MED15: variants seen among roughly 807,000 people sequenced by gnomAD.
The protein encoded by MED15 is mediator complex subunit 15, also known as mediator of RNA polymerase II transcription subunit 15.
MED15 carries 41 observed loss-of-function variants against 118.7 expected under a neutral mutation model. The observed-to-expected ratio is 0.35, with a 90% CI of 0.27 to 0.45. The LOEUF is 0.45. MED15 is among the 20% of genes least tolerant of loss of function. The pLI, the probability that MED15 is intolerant of heterozygous loss-of-function variation, is 1.00. For missense variants in MED15, 740 were observed against 1,025.5 expected (o/e 0.72, Z 3.80); for synonymous variants, 436 against 413.9 (o/e 1.05, Z -0.65).
intron 1 of MED15, among the ~76,000 whole-genome samples, chr22:20,534,836 C>T (rs891758461): frequency 2.6e-5 from 4 of 152,186 alleles, no homozygotes; most frequent in Middle Eastern, 3.2e-3. Flanking sequence ...GGATTGTTAA[C>T]TCTCTCATCT....
At position 20,584,874 on chromosome 22, in the gene MED15, C is replaced by T. The variant is rs145583532; in HGVS notation, c.1823C>T (p.Pro608Leu). ...DMAVPTPPPP[P>L]VPPTKQQYLC... The stretch of plus-strand genomic sequence containing the variant: ...CTCCAGCCCACTCCCCCACCGCCCC[C>T]GGTGCCACCGACCAAACAGCAGTAC... Residue 608 changes from proline to leucine, a missense_variant, in exon 15 of 18, where the codon CCG (proline) becomes CTG (leucine). By Grantham distance (98) the Pro-to-Leu change is moderately conservative. Coordinates refer to ENST00000263205, the MANE Select transcript of MED15 (RefSeq NM_001003891.3). 8.6e-5 allele frequency: 138 copies of T among 1,612,952 alleles called. No homozygotes were observed. In the Middle Eastern group the frequency reaches 9.1e-4, roughly 11 times the overall value.
chr22:20,568,686 G>A, intron 8 of MED15, 55 bp downstream of exon 8: 8 of 1,586,194 alleles, frequency 5.0e-6, no homozygotes, highest in Non-Finnish European at 6.0e-6. Flanking sequence ...ATGTTCACCT[G>A]CGCATGTAGT....
chr22:20,526,584 T>C (rs1351411197), intron 1 of MED15, among the ~76,000 whole-genome samples: 1 of 152,244 alleles, frequency 6.6e-6, no homozygotes, highest in Non-Finnish European at 1.5e-5. Flanking sequence ...GAATTGCCTT[T>C]TCAACACTAT....
intron 12 of MED15, 34 bp from the exon 13 acceptor site, chr22:20,583,296 C>A: frequency 6.2e-7 from 1 of 1,613,574 alleles, no homozygotes; most frequent in Non-Finnish European, 8.5e-7. Context: ...CACCACCAGG[C>A]TTGTGTCTTA....
At chr22:20,533,298 G>A (rs1179485158) in intron 1 of MED15, among the ~76,000 whole-genome samples, 1 of 152,236 alleles carries the variant, frequency 6.6e-6, no homozygotes, top group African/African-American at 2.4e-5. Context: ...AGGCCAGCTG[G>A]AGAGGAAAGG....
intron 6 of MED15, among the ~76,000 whole-genome samples, chr22:20,564,962 A>G (rs1341351943): frequency 1.3e-5 from 2 of 152,156 alleles, no homozygotes; most frequent in African/African-American, 2.4e-5. Context: ...CATCTCTACT[A>G]AAAATACAAA....
chr22:20,564,598 C>G lies in MED15; in HGVS notation c.600C>G (p.Phe200Leu). Residue 200 changes from phenylalanine to leucine, a missense_variant, in exon 6 of 18, where the codon TTC (phenylalanine) becomes TTG (leucine). Phe to Leu is a conservative substitution (Grantham distance 22). This residue lies in a region of MED15 where 384 missense variants were observed against 506.3 expected (regional missense o/e 0.76). Transcript: ENST00000263205. ...AGCAGAGTGCCATGCAGCAGCAGTT[C>G]CAAGCAGTAGTGCAGCAGCAGCAGC... is the stretch of plus-strand genomic sequence containing the variant. ...QAQQSAMQQQ[F>L]QAVVQQQQQL... 6.2e-7 allele frequency: 1 copy of G among 1,610,682 alleles called. No individual in the cohort carries two copies.
chr22:20,515,607 TG>T (rs375384678), intron 1 of MED15, among the ~76,000 whole-genome samples: 71 of 152,012 alleles, frequency 4.7e-4, no homozygotes, highest in African/African-American at 1.7e-3. Flanking sequence ...CTGGGCAACA[TG>T]GTGAAACCCC....
chr22:20,580,171 C>A (rs987329319), intron 9 of MED15, among the ~76,000 whole-genome samples: 1 of 152,144 alleles, frequency 6.6e-6, no homozygotes, highest in African/African-American at 2.4e-5. Flanking sequence ...TGACCTGGGG[C>A]AGCTGAAGAA....
At position 20,575,178 on chromosome 22, in the gene MED15, T is replaced by G; in HGVS notation, c.1218T>G (p.Ala406=). Residue 406 remains alanine (A), a synonymous_variant, in exon 9 of 18, where the codon GCT becomes GCG. Transcript: ENST00000263205. ...GAGCCCGGTTCCCGCCTACCACCGC[T>G]GTGTCCGCCATCCCGTCAAGCTCCA... ...HIRARFPPTT[A]VSAIPSSSIP... 1 of 1,614,206 alleles carries G rather than the reference T, an allele frequency of 6.2e-7. No homozygotes were observed. Among genetic ancestry groups the G allele is most frequent in the Non-Finnish European group, 8.5e-7 (1 of 1,180,036 alleles).
rs527568672 is a variant in MED15 at position 20,519,540 on chromosome 22, C to T, written c.68+11794C>T. On this transcript the variant is annotated intron_variant, in intron 1 of 17. Transcript: ENST00000263205. ...CCTGACCTTGGCTCACTGCAACCTCCGCCTTCCGAGTTCAAGTGATTCTTG... is the reference window on the plus strand; with the variant it reads ...CCTGACCTTGGCTCACTGCAACCTCTGCCTTCCGAGTTCAAGTGATTCTTG... 2.6e-4 allele frequency among the ~76,000 whole-genome samples: 39 copies of T among 152,090 alleles called. No homozygotes were observed. In the East Asian group the frequency reaches 6.0e-3, roughly 23 times the overall value.
chr22:20,554,415 A>C (rs165749), intron 4 of MED15: 68,397 of 152,744 alleles, frequency 0.45, 15,682 homozygotes, highest in East Asian at 0.52. Flanking sequence ...CTGCACCCCT[A>C]AGCTGTTCTG....
chr22:20,549,821 A>G (rs1176048353), intron 2 of MED15, among the ~76,000 whole-genome samples: 2 of 152,166 alleles, frequency 1.3e-5, no homozygotes, highest in African/African-American at 4.8e-5. Context: ...TGGGCACTGC[A>G]GGATGATGAT....
intron 1 of MED15, among the ~76,000 whole-genome samples, chr22:20,528,834 C>T (rs1249894658): frequency 6.6e-6 from 1 of 152,228 alleles, no homozygotes; most frequent in Non-Finnish European, 1.5e-5. Flanking sequence ...GGGTTGGCCC[C>T]CTAGTCCAGT....
At chr22:20,540,949 C>T (rs1266945687) in intron 2 of MED15, among the ~76,000 whole-genome samples, 1 of 152,090 alleles carries the variant, frequency 6.6e-6, no homozygotes, top group Non-Finnish European at 1.5e-5. Context: ...CAAAATACAG[C>T]CAGGCGCGGT....
At chr22:20,513,437 C>G (rs922899990) in intron 1 of MED15, among the ~76,000 whole-genome samples, 14 of 152,018 alleles carry the variant, frequency 9.2e-5, no homozygotes, top group African/African-American at 3.1e-4. Flanking sequence ...CGCCACCACT[C>G]CTGGCTAATT....
chr22:20,546,901 G>A (rs916255280), intron 2 of MED15, among the ~76,000 whole-genome samples: 1 of 152,152 alleles, frequency 6.6e-6, no homozygotes, highest in African/African-American at 2.4e-5. Context: ...AGCATGCTAC[G>A]TGGGCGCTGG....
chr22:20,539,120 A>G (rs2055190386), intron 2 of MED15, among the ~76,000 whole-genome samples: 1 of 151,146 alleles, frequency 6.6e-6, no homozygotes, highest in Admixed American at 6.6e-5. Flanking sequence ...TTTTTTTTAG[A>G]TGGAGTCTCG....
intron 5 of MED15, among the ~76,000 whole-genome samples, chr22:20,558,104 CAAAAGAA>C (rs979281205): frequency 7.9e-5 from 12 of 151,532 alleles, no homozygotes; most frequent in South Asian, 2.1e-4. Flanking sequence ...GACTCTGTCT[CAAAAGAA>C]AAAAGAAAAA....
Sources: gnomAD v4.1 joint callset for allele counts (sites outside exome capture counted in the v4.1 genomes callset) on GRCh38, gnomAD v4.1.1 for gene constraint, gnomAD v4.1.1 regional missense constraint, MANE v1.5 for transcripts, NCBI Gene and HGNC (gene_info 2026-07-23, HGNC 2026-07-21) for gene names.